ZBTB11: variants seen among roughly 807,000 people sequenced by gnomAD.
ZBTB11 encodes zinc finger and BTB domain containing 11, also known as zinc finger and BTB domain-containing protein 11.
In ZBTB11, 68 loss-of-function variants were observed where a neutral mutation model predicts 113.1. The observed-to-expected ratio is 0.60, with a 90% confidence interval of 0.49 to 0.74. ZBTB11 has a LOEUF of 0.74. Among genes scored for constraint, ZBTB11 ranks in the 30% least tolerant of loss-of-function variants. The probability of loss-of-function intolerance (pLI) is 0.00; values close to 1 mark genes in which losing one functional copy is unlikely to be tolerated. For synonymous variants in ZBTB11, 518 were observed against 452.6 expected (o/e 1.14, Z -1.83); for missense variants, 1,104 against 1,279.4 (o/e 0.86, Z 2.09).
At chr3:101,672,909 A>G (rs1182350607) in intron 1 of ZBTB11, among the ~76,000 whole-genome samples, 2 of 152,372 alleles carry the variant, frequency 1.3e-5, no homozygotes, top group East Asian at 3.8e-4. Context: ...AAGAACAGCA[A>G]TGTCCCAGAG....
At chr3:101,674,094 G>A (rs892903075) in intron 1 of ZBTB11, among the ~76,000 whole-genome samples, 1 of 141,202 alleles carries the variant, frequency 7.1e-6, no homozygotes, top group African/African-American at 2.7e-5. Context: ...CACACACTTT[G>A]GGAGGCTGAG....
Position 101,665,445 on chromosome 3 carries a change from C to A in ZBTB11, c.1142G>T (p.Gly381Val). Reference protein sequence around the residue: ...LPEAEQNGEVGRQPEPQVSSE... With the variant: ...LPEAEQNGEVVRQPEPQVSSE... ...AGAAACCTGGGGCTCAGGCTGTCGT[C>A]CTACCTCTCCATTCTGCTCAGCTTC... Residue 381 changes from glycine (G) to valine (V), a missense_variant, in exon 4 of 11, where the codon GGA (glycine) becomes GTA (valine). Gly to Val is a moderately radical substitution (Grantham distance 109). This residue lies in a region of ZBTB11 where 535 missense variants were observed against 518.6 expected (regional missense o/e 1.03). Coordinates refer to ENST00000312938, the MANE Select transcript of ZBTB11 (RefSeq NM_014415.4). The A allele has an allele frequency of 6.2e-7, 1 of 1,614,140 alleles. No homozygotes were observed. Among genetic ancestry groups the A allele is most frequent in the Non-Finnish European group, 8.5e-7 (1 of 1,180,026 alleles).
At chr3:101,658,579 A>G (rs1936836934) in intron 6 of ZBTB11, among the ~76,000 whole-genome samples, 1 of 152,172 alleles carries the variant, frequency 6.6e-6, no homozygotes, top group Admixed American at 6.5e-5. Context: ...GCTGGAATGC[A>G]GTGGTGCCAC....
chr3:101,655,664 CT>C (rs774936234), intron 7 of ZBTB11, among the ~76,000 whole-genome samples: 3,818 of 141,836 alleles, frequency 0.027, 161 homozygotes, highest in African/African-American at 0.088. Context: ...TGAGAAAACG[CT>C]TTTTTTTTTT....
At chr3:101,653,554 A>G (rs1936742198) in intron 8 of ZBTB11, among the ~76,000 whole-genome samples, 1 of 152,252 alleles carries the variant, frequency 6.6e-6, no homozygotes, top group Admixed American at 6.5e-5. Flanking sequence ...CCTAGACTTT[A>G]TATTTAATTC....
At chr3:101,651,856 G>A (rs189196656) in intron 10 of ZBTB11, among the ~76,000 whole-genome samples, 173 bp from the exon 11 acceptor site, 46 of 152,146 alleles carry the variant, frequency 3.0e-4, no homozygotes, top group South Asian at 2.3e-3. Context: ...ATTCTTTGCC[G>A]GGCACGGTGG....
intron 3 of ZBTB11, chr3:101,670,513 G>A (rs1236684950): frequency 6.6e-6 from 1 of 152,134 alleles, no homozygotes; most frequent in African/African-American, 2.4e-5. Flanking sequence ...TTGATAATTT[G>A]ATTATTGAAC....
intron 1 of ZBTB11, among the ~76,000 whole-genome samples, 161 bp from the exon 2 acceptor site, chr3:101,672,374 C>CA (rs919089765): frequency 6.6e-6 from 1 of 152,066 alleles, no homozygotes; most frequent in East Asian, 1.9e-4. Flanking sequence ...ACTTTTTTCC[C>CA]AAAAAATATA....
At position 101,654,733 on chromosome 3, in the gene ZBTB11, C is replaced by A. The variant is rs751206105; in HGVS notation, c.2280G>T (p.Lys760Asn). 2.1e-5 allele frequency: 34 copies of A among 1,614,050 alleles called. No homozygotes were observed. Among genetic ancestry groups the A allele is most frequent in the Non-Finnish European group, 7.6e-6 (9 of 1,180,032 alleles). Residue 760 changes from lysine to asparagine, a missense_variant, in exon 8 of 11, where the codon AAG becomes AAT. Around this residue, in one of 5 missense-constraint regions of ZBTB11, gnomAD observed 148 missense variants for 259.3 expected, o/e 0.57. Transcript: ENST00000312938. ...TACAATGATAGCCTCGAACCTCAGG[C>A]TTTGGTTGGTGTTTCTTGAAGTGCT... ...LSKHFKKHQP[K>N]PEVRGYHCTQ...
chr3:101,677,072 C>G lies in ZBTB11; in HGVS notation c.-158G>C. The G allele has an allele frequency of 1.2e-6, 1 of 813,382 alleles. No homozygotes were observed. Among genetic ancestry groups the G allele is most frequent in the African/African-American group, 1.8e-5 (1 of 56,100 alleles). The allele number at this position is 813,382 out of a possible 1,614,324, so 50.4% of individuals were successfully genotyped here. ...CGGCTCCCTTAGTCCGAAGGAAAAG[C>G]GGGCGAGTTGGTAACCAGGGGGAAC... On this transcript the variant is annotated 5_prime_UTR_variant, in exon 1 of 11. Coordinates refer to ENST00000312938, the MANE Select transcript of ZBTB11 (RefSeq NM_014415.4).
At chr3:101,652,158 A>G (rs1244457480) in intron 10 of ZBTB11, among the ~76,000 whole-genome samples, 1 of 152,114 alleles carries the variant, frequency 6.6e-6, no homozygotes, top group Non-Finnish European at 1.5e-5. Flanking sequence ...AAGATTCTGA[A>G]CTATAAATCT....
chr3:101,675,958 A>G (rs1325736524), intron 1 of ZBTB11, among the ~76,000 whole-genome samples: 1 of 151,996 alleles, frequency 6.6e-6, no homozygotes, highest in Non-Finnish European at 1.5e-5. Flanking sequence ...AAACCAAACA[A>G]CAAAAACAGT....
At position 101,649,640 on chromosome 3, in the gene ZBTB11, CTGTA is replaced by C. The variant is rs1936663722; in HGVS notation, c.*1522_*1525del. ...TGAGCAGCCATTATAAAGTTATGGG[CTGTA>C]TGTCAATTCACGTCTTAAAATTGAA... On this transcript the variant is annotated 3_prime_UTR_variant, in exon 11 of 11. Coordinates refer to ENST00000312938, the MANE Select transcript of ZBTB11 (RefSeq NM_014415.4). 3.3e-5 allele frequency: 5 copies of C among 152,678 alleles called. No homozygotes were observed. In the South Asian group the frequency reaches 1.0e-3, roughly 32 times the overall value. 9.5% of individuals were successfully genotyped at this position (152,678 alleles called of 1,614,324 possible).
At position 101,671,186 on chromosome 3, in the gene ZBTB11, T is replaced by C; in HGVS notation, c.722A>G (p.Asp241Gly). 1 of 1,614,194 alleles carries C rather than the reference T, an allele frequency of 6.2e-7. No individual in the cohort carries two copies. Among genetic ancestry groups the C allele is most frequent in the East Asian group, 2.2e-5 (1 of 44,874 alleles). Residue 241 changes from aspartate to glycine, a missense_variant, in exon 3 of 11, where the codon GAT becomes GGT. By Grantham distance (94) the Asp-to-Gly change is moderately conservative. Around this residue, in one of 5 missense-constraint regions of ZBTB11, gnomAD observed 86 missense variants for 131.0 expected, o/e 0.66. Coordinates refer to ENST00000312938, the MANE Select transcript of ZBTB11 (RefSeq NM_014415.4). Reference protein sequence around the residue: ...VLSANSEYFRDLFIEKGAVSS... With the variant: ...VLSANSEYFRGLFIEKGAVSS... ...AACAGCTCCTTTCTCAATAAAAAGA[T>C]CTCGAAAATACTCGCTATTTGCTGA...
In ZBTB11 at chr3:101,652,839, A is replaced by G; in HGVS notation, c.2409T>C (p.Tyr803=). ...GGGAATACCAATCTTTCTTCCAACTATAGCACTTATCACAAAATTGGCACT... is the reference window on the plus strand; with the variant it reads ...GGGAATACCAATCTTTCTTCCAACTGTAGCACTTATCACAAAATTGGCACT... ...PFQCQFCDKC[Y]SWKKDWYSHV... is the part of the protein sequence containing the mutation. Residue 803 remains tyrosine, a synonymous_variant, in exon 9 of 11, where the codon TAT becomes TAC. Transcript: ENST00000312938. 2.5e-6 allele frequency: 4 copies of G among 1,614,140 alleles called. No homozygotes were observed. The highest frequency in any genetic ancestry group is 2.2e-5 in the East Asian group (1 of 44,874).
intron 3 of ZBTB11, among the ~76,000 whole-genome samples, chr3:101,667,641 C>T (rs1032709297): frequency 2.0e-5 from 3 of 152,110 alleles, no homozygotes; most frequent in African/African-American, 7.2e-5. Context: ...TGAATTCAGC[C>T]ATTCCTAGGA....
At chr3:101,675,134 T>C (rs1937142579) in intron 1 of ZBTB11, among the ~76,000 whole-genome samples, 1 of 152,224 alleles carries the variant, frequency 6.6e-6, no homozygotes, top group South Asian at 2.1e-4. Flanking sequence ...AACGACTACA[T>C]CCTGCATATA....
chr3:101,653,693 C>T (rs1398571352), intron 8 of ZBTB11, among the ~76,000 whole-genome samples: 1 of 152,056 alleles, frequency 6.6e-6, no homozygotes, highest in South Asian at 2.1e-4. Context: ...CTCCAAAAGC[C>T]CATCTCTCCA....
intron 5 of ZBTB11, among the ~76,000 whole-genome samples, chr3:101,662,734 A>G (rs1936913161): frequency 6.6e-6 from 1 of 151,484 alleles, no homozygotes; most frequent in African/African-American, 2.4e-5. Flanking sequence ...TAGTAGTTTT[A>G]TTTTCTCGCT....
Sources: gnomAD v4.1 joint callset for allele counts (sites outside exome capture counted in the v4.1 genomes callset) on GRCh38, gnomAD v4.1.1 for gene constraint, gnomAD v4.1.1 regional missense constraint, MANE v1.5 for transcripts, NCBI Gene and HGNC (gene_info 2026-07-23, HGNC 2026-07-21) for gene names.